The following SPMAP2L variants were observed in gnomAD, a reference collection of about 807,000 sequenced individuals.
SPMAP2L encodes sperm microtubule associated protein 2-like.
the SPMAP2L span, among the ~76,000 whole-genome samples, chr4:56,614,820 AAC>A: frequency 6.6e-6 from 1 of 152,166 alleles, no homozygotes; most frequent in African/African-American, 2.4e-5. Context: ...CCAGTTTGCT[AAC>A]ACATAAAAAT....
chr4:56,589,062 C>A, the SPMAP2L span, among the ~76,000 whole-genome samples: 2 of 152,094 alleles, frequency 1.3e-5, no homozygotes, highest in Non-Finnish European at 2.9e-5. Flanking sequence ...AATCTCAGCT[C>A]ACTGCAATCT....
chr4:56,561,768 A>C, the SPMAP2L span, among the ~76,000 whole-genome samples: 1 of 152,118 alleles, frequency 6.6e-6, no homozygotes, highest in Admixed American at 6.6e-5. Flanking sequence ...TCTGTTGCCC[A>C]GGCTGGAGTG....
the SPMAP2L span, among the ~76,000 whole-genome samples, chr4:56,543,656 C>T: frequency 2.0e-5 from 3 of 151,958 alleles, no homozygotes; most frequent in African/African-American, 7.2e-5. Flanking sequence ...CGCCACTGCA[C>T]TCCAGCCTGG....
At chr4:56,549,236 C>T in the SPMAP2L span, among the ~76,000 whole-genome samples, 7 of 152,152 alleles carry the variant, frequency 4.6e-5, no homozygotes, top group African/African-American at 7.2e-5. Flanking sequence ...ATCTGCCCGC[C>T]TCTGCCTCCC....
At chr4:56,532,651 A>G in the SPMAP2L span, among the ~76,000 whole-genome samples, 1 of 152,000 alleles carries the variant, frequency 6.6e-6, no homozygotes, top group South Asian at 2.1e-4. Context: ...CACTGACTCA[A>G]TTTCTTCACC....
chr4:56,562,856 A>C, the SPMAP2L span, among the ~76,000 whole-genome samples: 1 of 145,424 alleles, frequency 6.9e-6, no homozygotes, highest in African/African-American at 2.5e-5. Flanking sequence ...AATATAATTT[A>C]TATAGTGCTT....
the SPMAP2L span, among the ~76,000 whole-genome samples, chr4:56,551,351 C>T: frequency 0.031 from 4,732 of 152,180 alleles, 239 homozygotes; most frequent in African/African-American, 0.1. Flanking sequence ...TTGGTCCCTT[C>T]TGGGACCCTT....
At chr4:56,578,876 A>G in the SPMAP2L span, among the ~76,000 whole-genome samples, 1 of 152,004 alleles carries the variant, frequency 6.6e-6, no homozygotes, top group Non-Finnish European at 1.5e-5. Flanking sequence ...CCAGAAATTC[A>G]AGACCAGCCT....
At chr4:56,530,659 C>T in the SPMAP2L span, 2 of 1,529,994 alleles carry the variant, frequency 1.3e-6, no homozygotes, top group African/African-American at 1.4e-5. Context: ...CCGCGCGCGA[C>T]AGAAGCTTCT....
the SPMAP2L span, among the ~76,000 whole-genome samples, chr4:56,609,034 T>C: frequency 2.7e-5 from 4 of 149,364 alleles, no homozygotes; most frequent in African/African-American, 9.9e-5. Context: ...TATTGTCTTT[T>C]TTTCTTTCTT....
the SPMAP2L span, among the ~76,000 whole-genome samples, chr4:56,605,252 T>C: frequency 3.3e-5 from 5 of 152,208 alleles, no homozygotes; most frequent in Non-Finnish European, 7.3e-5. Context: ...ATTAAATGAA[T>C]GTCTGTTGAG....
At chr4:56,609,007 T>G in the SPMAP2L span, among the ~76,000 whole-genome samples, 7 of 152,084 alleles carry the variant, frequency 4.6e-5, no homozygotes, top group African/African-American at 1.2e-4. Context: ...AGAATGTATA[T>G]CCTATGCTGA....
the SPMAP2L span, among the ~76,000 whole-genome samples, chr4:56,607,256 T>C: frequency 6.6e-6 from 1 of 152,148 alleles, no homozygotes; most frequent in African/African-American, 2.4e-5. Flanking sequence ...AGTGAGTTCA[T>C]CCCTTTTCTC....
At chr4:56,621,268 T>C in the SPMAP2L span, among the ~76,000 whole-genome samples, 8 of 152,024 alleles carry the variant, frequency 5.3e-5, no homozygotes, top group African/African-American at 1.4e-4. Context: ...CCAATAGTGA[T>C]AGGTTTTTGT....
chr4:56,585,401 C>T, the SPMAP2L span, among the ~76,000 whole-genome samples: 2,550 of 152,256 alleles, frequency 0.017, 36 homozygotes, highest in Non-Finnish European at 0.026. Context: ...GGCTGGAATG[C>T]AGTCATGTGA....
the SPMAP2L span, among the ~76,000 whole-genome samples, chr4:56,617,910 T>G: frequency 6.6e-6 from 1 of 152,190 alleles, no homozygotes; most frequent in African/African-American, 2.4e-5. Context: ...TGCGTCCTTC[T>G]GCTGGTCAAT....
chr4:56,559,388 A>C, the SPMAP2L span: 1 of 1,501,956 alleles, frequency 6.7e-7, no homozygotes, highest in Non-Finnish European at 8.8e-7. Context: ...ATGCTTCTTA[A>C]CAGAAAACTG....
At chr4:56,552,500 C>T in the SPMAP2L span, 1 of 1,000,986 alleles carries the variant, frequency 1.0e-6, no homozygotes, top group Non-Finnish European at 1.5e-6. Context: ...TCTAATGTAA[C>T]CACATTTCTT....
At chr4:56,607,820 TTTA>T in the SPMAP2L span, among the ~76,000 whole-genome samples, 1 of 151,944 alleles carries the variant, frequency 6.6e-6, no homozygotes, top group African/African-American at 2.4e-5. Flanking sequence ...ACACCCCATT[TTTA>T]TTTAAAAAAA....
Sources: gnomAD v4.1 joint callset for allele counts (sites outside exome capture counted in the v4.1 genomes callset) on GRCh38, gnomAD v4.1.1 for gene constraint, MANE v1.5 for transcripts, NCBI Gene and HGNC (gene_info 2026-07-23, HGNC 2026-07-21) for gene names.